The following UBE2D3 variants were observed in gnomAD, a reference collection of about 807,000 sequenced individuals.
UBE2D3 encodes ubiquitin-conjugating enzyme E2 D3.
A neutral mutation model predicts 22.8 loss-of-function variants in UBE2D3; 2 were observed. The ratio of observed to expected loss-of-function variants is 0.09; its 90% CI spans 0.04 to 0.28. The LOEUF is 0.28. Among genes scored for constraint, UBE2D3 ranks in the 10% least tolerant of loss-of-function variants. The probability of loss-of-function intolerance (pLI) is 1.00; values close to 1 mark genes in which losing one functional copy is unlikely to be tolerated. For synonymous variants in UBE2D3, 56 were observed against 60.4 expected (o/e 0.93, Z 0.34); for missense variants, 27 against 182.5 (o/e 0.15, Z 4.91).
At position 102,796,921 on chromosome 4, in the gene UBE2D3, C is replaced by T. The variant is rs1267119168; in HGVS notation, c.*494G>A. 2 of 152,714 alleles carry T rather than the reference C, an allele frequency of 1.3e-5. No individual in the cohort carries two copies. Among genetic ancestry groups the T allele is most frequent in the Non-Finnish European group, 2.9e-5 (2 of 68,124 alleles). The allele number at this position is 152,714 out of a possible 1,614,324, so 9.5% of individuals were successfully genotyped here. On this transcript the variant is annotated 3_prime_UTR_variant, in exon 8 of 8. Coordinates refer to ENST00000453744, the MANE Select transcript of UBE2D3 (RefSeq NM_181891.3). ...AAATTCAATACCAATTCTCCAGCCACATCAGTTATGAGCATAAAGCATATC... is the reference window on the plus strand; with the variant it reads ...AAATTCAATACCAATTCTCCAGCCATATCAGTTATGAGCATAAAGCATATC...
chr4:102,807,135 G>A (rs912296768), intron 4 of UBE2D3, among the ~76,000 whole-genome samples: 1 of 152,194 alleles, frequency 6.6e-6, no homozygotes, highest in African/African-American at 2.4e-5. Context: ...GACCTAAGTA[G>A]TAGTCCAAAG....
At chr4:102,825,271 T>C (rs1384845246) in intron 2 of UBE2D3, 1 of 986,500 alleles carries the variant, frequency 1.0e-6, no homozygotes, top group African/African-American at 1.7e-5. Context: ...TAAGGCTGAA[T>C]TTATTCCATG....
chr4:102,799,812 G>C (rs1228885964), intron 6 of UBE2D3, among the ~76,000 whole-genome samples: 1 of 121,996 alleles, frequency 8.2e-6, no homozygotes, highest in Non-Finnish European at 1.6e-5. Flanking sequence ...TAGAACTTGA[G>C]TTTCTTGGTA....
chr4:102,818,436 T>TA (rs749094209), intron 2 of UBE2D3, among the ~76,000 whole-genome samples: 14 of 152,122 alleles, frequency 9.2e-5, no homozygotes, highest in Non-Finnish European at 1.5e-4. Flanking sequence ...AAAAAACCTA[T>TA]AGGAAAAGAA....
At position 102,845,242 on chromosome 4, in the gene UBE2D3, A is replaced by G. The variant is rs144259135; in HGVS notation, c.-128-18606T>C. 2.8e-4 allele frequency among the ~76,000 whole-genome samples: 43 copies of G among 152,190 alleles called. No individual in the cohort carries two copies. The East Asian group carries it at 7.1e-3, about 25-fold the overall frequency. On this transcript the variant is annotated intron_variant, in intron 1 of 7. Coordinates refer to the UBE2D3 transcript ENST00000338145. ...TCAAAAACAAAACAAAACAAAACAA[A>G]GAATTTTGGATATTTTCCTTTCTCT...
At chr4:102,865,562 C>G (rs1733109640) in intron 1 of UBE2D3, among the ~76,000 whole-genome samples, 1 of 150,178 alleles carries the variant, frequency 6.7e-6, no homozygotes, top group African/African-American at 2.4e-5. Flanking sequence ...ACCAATGTAA[C>G]CAACAAGGTA....
At chr4:102,835,160 C>G (rs1731324660) in intron 1 of UBE2D3, among the ~76,000 whole-genome samples, 1 of 152,302 alleles carries the variant, frequency 6.6e-6, no homozygotes, top group African/African-American at 2.4e-5. Context: ...AATCAGCCCT[C>G]CAGATCTGTG....
chr4:102,806,417 C>T (rs1727048262), intron 4 of UBE2D3, among the ~76,000 whole-genome samples: 1 of 151,876 alleles, frequency 6.6e-6, no homozygotes, highest in Admixed American at 6.6e-5. Flanking sequence ...TATTAGACTA[C>T]AAAGCTCCTC....
intron 2 of UBE2D3, chr4:102,813,082 T>C (rs1728277213): frequency 6.6e-6 from 1 of 152,194 alleles, no homozygotes; most frequent in Non-Finnish European, 1.5e-5. Flanking sequence ...GTTAAGATGA[T>C]CAACACAAAG....
In UBE2D3 at chr4:102,809,872, AATGGGTGAGTCAC is replaced by A. The variant is rs1560853722; in HGVS notation, c.25-30_25-18del. ...ACTAAGTTCCTACACCAAGACAGAAAATGGGTGAGTCACATAAGCTTAATTTAAGAAAACAAGC... is the reference window on the plus strand; with the variant it reads ...ACTAAGTTCCTACACCAAGACAGAAAATAAGCTTAATTTAAGAAAACAAGC... On this transcript the variant is annotated intron_variant, in intron 2 of 7. Coordinates refer to ENST00000453744, the MANE Select transcript of UBE2D3 (RefSeq NM_181891.3). 2 of 1,611,190 alleles carry A rather than the reference AATGGGTGAGTCAC, an allele frequency of 1.2e-6. No individual in the cohort carries two copies. Among genetic ancestry groups the A allele is most frequent in the South Asian group, 2.2e-5 (2 of 90,806 alleles).
intron 2 of UBE2D3, among the ~76,000 whole-genome samples, chr4:102,818,593 A>G (rs1729102309): frequency 6.6e-6 from 1 of 152,164 alleles, no homozygotes; most frequent in Non-Finnish European, 1.5e-5. Context: ...TTGTTTGCCT[A>G]TTTCCTGAAG....
intron 1 of UBE2D3, among the ~76,000 whole-genome samples, chr4:102,836,764 C>G (rs1401200282): frequency 6.6e-6 from 1 of 152,138 alleles, no homozygotes; most frequent in Non-Finnish European, 1.5e-5. Flanking sequence ...TCCTAGTGAC[C>G]AATGATATTG....
At chr4:102,850,946 G>T (rs1038584261) in intron 1 of UBE2D3, among the ~76,000 whole-genome samples, 2 of 151,104 alleles carry the variant, frequency 1.3e-5, no homozygotes, top group South Asian at 4.2e-4. Flanking sequence ...CGGGTGAGAG[G>T]GGGGTGAGGG....
intron 5 of UBE2D3, 128 bp downstream of exon 5, chr4:102,802,433 G>C (rs1726304880): frequency 4.8e-6 from 3 of 627,874 alleles, no homozygotes; most frequent in Non-Finnish European, 7.7e-6. Flanking sequence ...TTAAGAGTCA[G>C]CATCTATACA....
At chr4:102,854,666 C>T (rs1732546237) in intron 1 of UBE2D3, among the ~76,000 whole-genome samples, 1 of 152,106 alleles carries the variant, frequency 6.6e-6, no homozygotes, top group South Asian at 2.1e-4. Context: ...TCTTTATTTA[C>T]TTTTCACCTA....
chr4:102,829,341 C>G (rs1578276205), upstream of UBE2D3, among the ~76,000 whole-genome samples: 1 of 152,306 alleles, frequency 6.6e-6, no homozygotes, highest in East Asian at 1.9e-4. Flanking sequence ...CTCCCTCCTC[C>G]CTGAATAATC....
At chr4:102,837,766 A>G (rs1243812475) in intron 1 of UBE2D3, among the ~76,000 whole-genome samples, 3 of 152,302 alleles carry the variant, frequency 2.0e-5, no homozygotes, top group East Asian at 3.9e-4. Context: ...CCTGGCTAAC[A>G]TGGTGAAAAC....
At chr4:102,836,560 A>G (rs1560882856) in intron 1 of UBE2D3, among the ~76,000 whole-genome samples, 1 of 152,186 alleles carries the variant, frequency 6.6e-6, no homozygotes, top group African/African-American at 2.4e-5. Context: ...TGGAATAGCT[A>G]GATTATATGG....
At chr4:102,860,136 C>T (rs761958353) in intron 1 of UBE2D3, among the ~76,000 whole-genome samples, 33 of 148,162 alleles carry the variant, frequency 2.2e-4, no homozygotes, top group Non-Finnish European at 3.5e-4. Flanking sequence ...CGTGAGCCAC[C>T]GCGCCCAGCC....
Sources: allele counts gnomAD v4.1 joint callset (sites outside exome capture counted in the v4.1 genomes callset), GRCh38; gene constraint gnomAD v4.1.1; transcripts MANE v1.5; gene names NCBI Gene and HGNC (gene_info 2026-07-23, HGNC 2026-07-21).